The following MFHAS1 variants were observed in gnomAD, a reference collection of about 807,000 sequenced individuals.
MFHAS1 encodes the protein malignant fibrous histiocytoma-amplified sequence 1.
MFHAS1 carries 50 observed loss-of-function variants against 70.4 expected under a neutral mutation model. The observed-to-expected ratio is 0.71, with a 90% CI of 0.57 to 0.90. The LOEUF (loss-of-function observed/expected upper bound fraction) is 0.90. Among genes scored for constraint, MFHAS1 ranks in the 40% least tolerant of loss-of-function variants. The pLI is 0.00. For missense variants in MFHAS1, 1,795 were observed against 1,347.6 expected, an observed-to-expected ratio of 1.33 and a Z score of -5.20; for synonymous variants, 952 against 620.0, an observed-to-expected ratio of 1.54 and a Z score of -7.96.
intron 1 of MFHAS1, among the ~76,000 whole-genome samples, chr8:8,827,372 A>C (rs1467485870): frequency 6.6e-6 from 1 of 152,232 alleles, no homozygotes; most frequent in Non-Finnish European, 1.5e-5. Context: ...AATGCCCTTC[A>C]ACAGCACTGG....
chr8:8,875,180 T>C (rs1031578269), intron 1 of MFHAS1, among the ~76,000 whole-genome samples: 4 of 150,306 alleles, frequency 2.7e-5, no homozygotes, highest in South Asian at 2.1e-4. Context: ...TTTAATGACA[T>C]TTTTTGCCTT....
chr8:8,866,563 C>T (rs1808865896), intron 1 of MFHAS1, among the ~76,000 whole-genome samples: 1 of 152,116 alleles, frequency 6.6e-6, no homozygotes, highest in African/African-American at 2.4e-5. Context: ...AGCGATCCTC[C>T]CACCTCAACC....
At chr8:8,868,112 C>G (rs1295473147) in intron 1 of MFHAS1, among the ~76,000 whole-genome samples, 1 of 151,888 alleles carries the variant, frequency 6.6e-6, no homozygotes, top group African/African-American at 2.4e-5. Flanking sequence ...TTTTCTAGAC[C>G]AAGTTCCCAA....
intron 1 of MFHAS1, among the ~76,000 whole-genome samples, chr8:8,880,713 C>A (rs990229627): frequency 5.4e-5 from 8 of 147,926 alleles, no homozygotes; most frequent in Admixed American, 3.4e-4. Flanking sequence ...CAGATGGAGT[C>A]TTGTTTTGTC....
Position 8,793,140 on chromosome 8 carries a change from T to C in MFHAS1, c.3125+4225A>G, listed in dbSNP as rs114399144. Among the ~76,000 whole-genome samples the C allele has an allele frequency of 4.0e-3, 605 of 151,738 alleles. 3 individuals are homozygous for C. The highest frequency in any genetic ancestry group is 0.014 in the African/African-American group (574 of 41,206). On this transcript the variant is annotated intron_variant, in intron 2 of 2. Coordinates refer to ENST00000276282, the MANE Select transcript of MFHAS1 (RefSeq NM_004225.3). Reference sequence around the variant, plus strand: ...GTGGAGACCTCAACCACCAATCCACTGAGACAAGTTATAAGAGTAAATCAT... The same window carrying C: ...GTGGAGACCTCAACCACCAATCCACCGAGACAAGTTATAAGAGTAAATCAT...
intron 1 of MFHAS1, among the ~76,000 whole-genome samples, chr8:8,862,725 C>T (rs1428640132): frequency 1.3e-5 from 2 of 152,062 alleles, no homozygotes; most frequent in African/African-American, 4.8e-5. Flanking sequence ...TACTGGACTT[C>T]GTGTGACAAT....
chr8:8,862,531 T>G (rs1349291324), intron 1 of MFHAS1, among the ~76,000 whole-genome samples: 1 of 152,086 alleles, frequency 6.6e-6, no homozygotes, highest in East Asian at 1.9e-4. Flanking sequence ...AAAAAATTAT[T>G]TAGTTTCTAT....
chr8:8,821,158 C>T (rs60210517), intron 1 of MFHAS1, among the ~76,000 whole-genome samples: 3,912 of 152,228 alleles, frequency 0.026, 168 homozygotes, highest in African/African-American at 0.089. Context: ...TCAGAGGGAG[C>T]AGCTGCCAGG....
chr8:8,856,628 C>T (rs1808449593), intron 1 of MFHAS1, among the ~76,000 whole-genome samples: 1 of 152,084 alleles, frequency 6.6e-6, no homozygotes, highest in South Asian at 2.1e-4. Context: ...TTGCAAGGTC[C>T]TACATTTCAA....
rs749167233 is a variant in MFHAS1, at chr8:8,890,866, G to A, written c.2193C>T (p.Thr731=). 70 of 1,614,062 alleles carry A rather than the reference G, an allele frequency of 4.3e-5. No homozygotes were observed. Among genetic ancestry groups the A allele is most frequent in the Non-Finnish European group, 5.3e-5 (62 of 1,180,048 alleles). Residue 731 remains threonine, a synonymous_variant, in exon 1 of 3, where the codon ACC becomes ACT. Transcript: ENST00000276282. ...AGACATTGAGGATGTCGATGAGGCGGGTGAGGTTGTGGAAGACGTGCTCCT... is the reference window on the plus strand; with the variant it reads ...AGACATTGAGGATGTCGATGAGGCGAGTGAGGTTGTGGAAGACGTGCTCCT... ...ALKEHVFHNL[T]RLIDILNVFF... is the part of the protein sequence containing the mutation.
chr8:8,872,250 G>C (rs1230343457), intron 1 of MFHAS1, among the ~76,000 whole-genome samples: 1 of 152,160 alleles, frequency 6.6e-6, no homozygotes, highest in Non-Finnish European at 1.5e-5. Flanking sequence ...CTAACAAAGA[G>C]GAATGTACAC....
chr8:8,794,333 T>C (rs893122650), intron 2 of MFHAS1, among the ~76,000 whole-genome samples: 1 of 152,198 alleles, frequency 6.6e-6, no homozygotes, highest in East Asian at 1.9e-4. Context: ...CCAAGCTGTG[T>C]TGACTTAAGC....
intron 1 of MFHAS1, among the ~76,000 whole-genome samples, chr8:8,823,453 C>G (rs894250976): frequency 1.3e-5 from 2 of 152,176 alleles, no homozygotes; most frequent in Non-Finnish European, 2.9e-5. Context: ...CGTGAGTCCT[C>G]TGGGCCTCGT....
At chr8:8,795,190 G>A (rs1303420500) in intron 2 of MFHAS1, among the ~76,000 whole-genome samples, 2 of 151,684 alleles carry the variant, frequency 1.3e-5, no homozygotes, top group East Asian at 3.9e-4. Flanking sequence ...TGAGCTTTAA[G>A]AACTTGCGGG....
At chr8:8,849,485 G>A (rs897592331) in intron 1 of MFHAS1, among the ~76,000 whole-genome samples, 2 of 152,200 alleles carry the variant, frequency 1.3e-5, no homozygotes, top group African/African-American at 4.8e-5. Flanking sequence ...CATAATGTGT[G>A]TGCACTTACA....
intron 1 of MFHAS1, among the ~76,000 whole-genome samples, chr8:8,814,374 T>C (rs911553729): frequency 1.3e-5 from 2 of 152,212 alleles, no homozygotes; most frequent in African/African-American, 4.8e-5. Context: ...CCAAGAGCAA[T>C]AGGCTAGACC....
In MFHAS1 at chr8:8,783,704, C is replaced by T. The variant is rs1380999371; in HGVS notation, c.*2318G>A. The T allele has an allele frequency of 6.6e-6, 1 of 152,186 alleles. No homozygotes were observed. Among genetic ancestry groups the T allele is most frequent in the African/African-American group, 2.4e-5 (1 of 41,428 alleles). The allele number at this position is 152,186 out of a possible 1,614,324, so 9.4% of individuals were successfully genotyped here. On this transcript the variant is annotated 3_prime_UTR_variant, in exon 3 of 3. Transcript: ENST00000276282. ...TGTTTGAGAGGCAAGGGACGCCTTG[C>T]TTAGAAAACATTCCTCTTGTGCTTA...
intron 1 of MFHAS1, among the ~76,000 whole-genome samples, chr8:8,865,278 A>C (rs63681160): frequency 1.6e-5 from 1 of 61,702 alleles, no homozygotes; most frequent in South Asian, 5.3e-4. Flanking sequence ...CTCCATCTCA[A>C]AAAAAAAAAA....
chr8:8,853,770 T>TA (rs1808331014), intron 1 of MFHAS1, among the ~76,000 whole-genome samples: 2 of 152,282 alleles, frequency 1.3e-5, no homozygotes, highest in Admixed American at 6.5e-5. Flanking sequence ...TTCACTATGT[T>TA]GGGCAGGCTA....
Sources: allele counts gnomAD v4.1 joint callset (sites outside exome capture counted in the v4.1 genomes callset), GRCh38; gene constraint gnomAD v4.1.1; transcripts MANE v1.5; gene names NCBI Gene and HGNC (gene_info 2026-07-23, HGNC 2026-07-21).